ZNF578: variants seen among roughly 807,000 people sequenced by gnomAD.
ZNF578 encodes the protein Putative chemokine-related protein B42.
A neutral mutation model predicts 8.3 loss-of-function variants in ZNF578; 8 were observed. That is an observed-to-expected ratio of 0.96 (90% CI 0.56 to 1.74). ZNF578 has a LOEUF of 1.74. ZNF578 is among the 40% of genes most tolerant of loss of function. ZNF578 has a pLI of 0.00. For synonymous variants in ZNF578, 206 were observed against 232.2 expected, an observed-to-expected ratio of 0.89 and a Z score of 1.03; for missense variants, 726 against 707.5, an observed-to-expected ratio of 1.03 and a Z score of -0.30.
chr19:52,504,569 A>T, intron 4 of ZNF578, 86 bp from the exon 5 acceptor site: 1 of 1,596,250 alleles, frequency 6.3e-7, no homozygotes, highest in Non-Finnish European at 8.5e-7. Context: ...GATCAAAGAA[A>T]TACTTATTTT....
Position 52,511,925 on chromosome 19 carries a change from A to G in ZNF578, c.1544A>G (p.Glu515Gly). ...GGTGAGAAACCTTACAAGTGTAATG[A>G]ATGTGGGAAGACTTTTAATGTACAG... Reference protein sequence around the residue: ...HSGEKPYKCNECGKTFNVQSH... With the variant: ...HSGEKPYKCNGCGKTFNVQSH... Residue 515 changes from glutamate to glycine, a missense_variant, in exon 6 of 6, where the codon GAA becomes GGA. Glu to Gly is a moderately conservative substitution (Grantham distance 98, BLOSUM62 -2). Transcript: ENST00000421239. 2 of 1,613,926 alleles carry G rather than the reference A, an allele frequency of 1.2e-6. No homozygotes were observed. Among genetic ancestry groups the G allele is most frequent in the Non-Finnish European group, 1.7e-6 (2 of 1,179,966 alleles).
Position 52,514,265 on chromosome 19 carries a change from T to G in ZNF578, c.*2111T>G, listed in dbSNP as rs2059463394. On this transcript the variant is annotated 3_prime_UTR_variant, in exon 6 of 6. Coordinates refer to ENST00000421239, the MANE Select transcript of ZNF578 (RefSeq NM_001099694.2). ...CATCATTCGTTTCTGTACTTGTATA[T>G]TTTCCAGTTGTTTTCCGGTTGACCC... Among the ~76,000 whole-genome samples, 1 of 152,246 alleles carries G rather than the reference T, an allele frequency of 6.6e-6. No homozygotes were observed. The highest frequency in any genetic ancestry group is 2.4e-5 in the African/African-American group (1 of 41,468).
chr19:52,513,965 C>T lies in ZNF578; in HGVS notation c.*1811C>T, dbSNP rs917077591. On this transcript the variant is annotated 3_prime_UTR_variant, in exon 6 of 6. Transcript: ENST00000421239. Reference sequence around the variant, plus strand: ...ACTTAAACCTGGGAGGTAGAGGTTACAGCGAATCAAAACCGTGCCACTGTA... The same window carrying T: ...ACTTAAACCTGGGAGGTAGAGGTTATAGCGAATCAAAACCGTGCCACTGTA... Among the ~76,000 whole-genome samples, 3 of 152,032 alleles carry T rather than the reference C, an allele frequency of 2.0e-5. No homozygotes were observed. Among genetic ancestry groups the T allele is most frequent in the Non-Finnish European group, 4.4e-5 (3 of 68,030 alleles).
rs758488360 is a variant in ZNF578 at position 52,514,282 on chromosome 19, G to A, written c.*2128G>A. 3.9e-5 allele frequency among the ~76,000 whole-genome samples: 6 copies of A among 152,130 alleles called. No individual in the cohort carries two copies. The highest frequency in any genetic ancestry group is 1.9e-4 in the East Asian group (1 of 5,186). ...CTTGTATATTTTCCAGTTGTTTTCC[G>A]GTTGACCCCAAAATTCGTGAGATTT... On this transcript the variant is annotated 3_prime_UTR_variant, in exon 6 of 6. Coordinates refer to ENST00000421239, the MANE Select transcript of ZNF578 (RefSeq NM_001099694.2).
chr19:52,470,280 A>G (rs556249973), intron 2 of ZNF578, among the ~76,000 whole-genome samples: 3 of 152,174 alleles, frequency 2.0e-5, no homozygotes, highest in Non-Finnish European at 4.4e-5. Flanking sequence ...CTTTGCCTCT[A>G]GACCTGTAAC....
At chr19:52,460,308 C>A (rs1485534762) in intron 2 of ZNF578, among the ~76,000 whole-genome samples, 1 of 62,930 alleles carries the variant, frequency 1.6e-5, no homozygotes, top group Non-Finnish European at 4.5e-5. Context: ...AGCATCCTCT[C>A]CAACACTTTT....
In ZNF578 at chr19:52,512,246, A is replaced by G; in HGVS notation, c.*92A>G. On this transcript the variant is annotated 3_prime_UTR_variant, in exon 6 of 6. Transcript: ENST00000421239. The stretch of plus-strand genomic sequence containing the variant: ...CCTTAAAAGACATAGGAGAATTCAT[A>G]CTGGAGAGAAACCTTACAAGTGTAA... The G allele has an allele frequency of 6.2e-7, 1 of 1,604,494 alleles. No individual in the cohort carries two copies. Among genetic ancestry groups the G allele is most frequent in the Non-Finnish European group, 8.5e-7 (1 of 1,171,502 alleles).
At chr19:52,465,635 A>G (rs2059272583) in intron 2 of ZNF578, among the ~76,000 whole-genome samples, 1 of 152,148 alleles carries the variant, frequency 6.6e-6, no homozygotes, top group African/African-American at 2.4e-5. Context: ...TTCCCTCTTT[A>G]GGCAACCAAG....
At chr19:52,476,064 G>C (rs1181201601) in intron 2 of ZNF578, among the ~76,000 whole-genome samples, 1 of 151,776 alleles carries the variant, frequency 6.6e-6, no homozygotes, top group Non-Finnish European at 1.5e-5. Context: ...AGAAGGCACA[G>C]AGAAAGCAAA....
chr19:52,504,513 A>AT, intron 4 of ZNF578, 142 bp from the exon 5 acceptor site: 5 of 1,510,368 alleles, frequency 3.3e-6, no homozygotes, highest in Non-Finnish European at 4.4e-6. Context: ...ATTGAGAAAA[A>AT]AAATTCAAAA....
In ZNF578 at chr19:52,514,420, A is replaced by G. The variant is rs545116694; in HGVS notation, c.*2266A>G. ...TATTTATTGGAAGGCTGTGGTACCT[A>G]CTACTTAAGTTTGATTGTTGCAGTG... On this transcript the variant is annotated 3_prime_UTR_variant, in exon 6 of 6. Transcript: ENST00000421239. Among the ~76,000 whole-genome samples the G allele has an allele frequency of 6.6e-6, 1 of 152,320 alleles. No individual in the cohort carries two copies. The highest frequency in any genetic ancestry group is 2.1e-4 in the South Asian group (1 of 4,830).
At chr19:52,487,163 A>G (rs2059348610) in intron 2 of ZNF578, among the ~76,000 whole-genome samples, 1 of 151,834 alleles carries the variant, frequency 6.6e-6, no homozygotes, top group Non-Finnish European at 1.5e-5. Flanking sequence ...TGAGAACACC[A>G]TCTCTGCCAA....
chr19:52,468,228 GA>G (rs1475950746), intron 2 of ZNF578, among the ~76,000 whole-genome samples: 7 of 152,024 alleles, frequency 4.6e-5, no homozygotes, highest in Non-Finnish European at 8.8e-5. Context: ...GTAGCTTTTG[GA>G]AAAATGCTCT....
intron 5 of ZNF578, among the ~76,000 whole-genome samples, chr19:52,509,979 T>G: frequency 6.6e-6 from 1 of 151,950 alleles, no homozygotes; most frequent in East Asian, 1.9e-4. Context: ...CCTCCCCGGT[T>G]CAAGTGATTC....
chr19:52,490,323 C>G (rs535042243), intron 2 of ZNF578, among the ~76,000 whole-genome samples: 4 of 152,306 alleles, frequency 2.6e-5, no homozygotes, highest in African/African-American at 9.6e-5. Flanking sequence ...TACTTGAACG[C>G]ATACATCAGA....
At chr19:52,487,271 C>G (rs530090571) in intron 2 of ZNF578, among the ~76,000 whole-genome samples, 1 of 152,228 alleles carries the variant, frequency 6.6e-6, no homozygotes, top group South Asian at 2.1e-4. Context: ...CCAGGCTGCA[C>G]TGAGCTGAGA....
chr19:52,483,213 C>G (rs1437545647), intron 2 of ZNF578, among the ~76,000 whole-genome samples: 1 of 152,026 alleles, frequency 6.6e-6, no homozygotes, highest in African/African-American at 2.4e-5. Flanking sequence ...GTTGGTGGTT[C>G]GAGACCAGCC....
chr19:52,486,063 A>G (rs1230172923), intron 2 of ZNF578, among the ~76,000 whole-genome samples: 1 of 152,216 alleles, frequency 6.6e-6, no homozygotes, highest in Admixed American at 6.5e-5. Flanking sequence ...GAATGTCTCC[A>G]TGTAAAACCC....
At chr19:52,500,009 C>A in intron 3 of ZNF578, among the ~76,000 whole-genome samples, 1 of 152,122 alleles carries the variant, frequency 6.6e-6, no homozygotes. Flanking sequence ...TGTCTCAGGG[C>A]CTTCACTTGA....
Sources: allele counts gnomAD v4.1 joint callset (sites outside exome capture counted in the v4.1 genomes callset), GRCh38; gene constraint gnomAD v4.1.1; transcripts MANE v1.5; gene names NCBI Gene and HGNC (gene_info 2026-07-23, HGNC 2026-07-21).